Variants in ANKS1B observed in about 807,000 individuals in gnomAD.
ANKS1B encodes ankyrin repeat and sterile alpha motif domain containing 1B, also known as ankyrin repeat and sterile alpha motif domain-containing protein 1B.
ANKS1B carries 36 observed loss-of-function variants against 148.3 expected under a neutral mutation model. That is an observed-to-expected ratio of 0.24 (90% CI 0.19 to 0.32). ANKS1B has a LOEUF of 0.32. Among genes scored for constraint, ANKS1B ranks in the 10% least tolerant of loss-of-function variants. The pLI is 1.00. For synonymous variants in ANKS1B, 542 were observed against 560.8 expected (o/e 0.97, Z 0.47); for missense variants, 1,157 against 1,542.6 (o/e 0.75, Z 4.19).
intron 20 of ANKS1B, among the ~76,000 whole-genome samples, chr12:98,805,515 G>A (rs1489896192): frequency 6.6e-6 from 1 of 152,080 alleles, no homozygotes. Flanking sequence ...GAGTCTGAAG[G>A]ACTATAATTG....
At chr12:99,684,628 T>C (rs1459873432) in intron 8 of ANKS1B, among the ~76,000 whole-genome samples, 2 of 152,096 alleles carry the variant, frequency 1.3e-5, no homozygotes, top group African/African-American at 4.8e-5. Context: ...AGAGCAAGAC[T>C]ACTCCAAAAG....
intron 18 of ANKS1B, chr12:98,830,875 C>G (rs1409753367): frequency 6.6e-6 from 1 of 150,682 alleles, no homozygotes; most frequent in Admixed American, 6.7e-5. Context: ...TCCTCCCTCC[C>G]TTCCTTCACT....
intron 9 of ANKS1B, among the ~76,000 whole-genome samples, chr12:99,620,233 A>C (rs1008010410): frequency 6.6e-6 from 1 of 152,138 alleles, no homozygotes; most frequent in African/African-American, 2.4e-5. Flanking sequence ...CAGAGAAAAA[A>C]AGAAGAGAAA....
intron 22 of ANKS1B, among the ~76,000 whole-genome samples, chr12:98,791,736 T>A (rs1593799401): frequency 1.3e-5 from 2 of 152,232 alleles, no homozygotes; most frequent in South Asian, 2.1e-4. Context: ...CAGAGACTTT[T>A]AAAAAAATAG....
chr12:98,795,936 G>T (rs4762512), intron 22 of ANKS1B, among the ~76,000 whole-genome samples: 41,584 of 152,088 alleles, frequency 0.27, 6,359 homozygotes, highest in Middle Eastern at 0.36. Context: ...ACATAATTCA[G>T]TTGTGCAGGG....
intron 9 of ANKS1B, among the ~76,000 whole-genome samples, chr12:99,541,151 A>G (rs1431662332): frequency 6.6e-6 from 1 of 152,226 alleles, no homozygotes; most frequent in East Asian, 1.9e-4. Context: ...TATTACGGCC[A>G]GGCTCAGATG....
chr12:99,378,652 CAAAAAAAAAAAAA>C (rs140892353), intron 12 of ANKS1B, among the ~76,000 whole-genome samples: 1 of 90,714 alleles, frequency 1.1e-5, no homozygotes. Flanking sequence ...GACTCCATCT[CAAAAAAAAAAAAA>C]AAAAAAAAGA....
At chr12:99,198,098 T>G (rs906270316) in intron 14 of ANKS1B, among the ~76,000 whole-genome samples, 2 of 152,194 alleles carry the variant, frequency 1.3e-5, no homozygotes, top group East Asian at 3.9e-4. Flanking sequence ...TCTAAAGCCT[T>G]CCTTAGCATC....
chr12:99,959,589 T>A (rs1474443445), intron 1 of ANKS1B, among the ~76,000 whole-genome samples: 1 of 152,210 alleles, frequency 6.6e-6, no homozygotes, highest in Non-Finnish European at 1.5e-5. Context: ...ATTACTTTGC[T>A]TAAGCAGTCT....
chr12:98,971,268 A>C (rs753409761), intron 17 of ANKS1B, among the ~76,000 whole-genome samples: 1 of 152,208 alleles, frequency 6.6e-6, no homozygotes, highest in Non-Finnish European at 1.5e-5. Context: ...CTATCATCCT[A>C]CATTAATTAA....
At chr12:98,750,351 G>A (rs1183787481) in intron 26 of ANKS1B, among the ~76,000 whole-genome samples, 3 of 152,204 alleles carry the variant, frequency 2.0e-5, no homozygotes, top group African/African-American at 7.2e-5. Flanking sequence ...TCAGGGAACT[G>A]TGAGACCAGA....
chr12:99,502,703 C>T (rs1254561735), intron 10 of ANKS1B, among the ~76,000 whole-genome samples: 2 of 152,140 alleles, frequency 1.3e-5, no homozygotes, highest in African/African-American at 4.8e-5. Context: ...TAATACCTCA[C>T]AGCATTGTAA....
intron 11 of ANKS1B, among the ~76,000 whole-genome samples, chr12:99,440,785 C>T (rs2095537550): frequency 6.6e-6 from 1 of 151,954 alleles, no homozygotes; most frequent in South Asian, 2.1e-4. Context: ...ACAATGGATG[C>T]TCTCCATTTA....
intron 8 of ANKS1B, among the ~76,000 whole-genome samples, chr12:99,720,004 G>A (rs1437275693): frequency 6.6e-6 from 1 of 152,078 alleles, no homozygotes; most frequent in Non-Finnish European, 1.5e-5. Context: ...TTAGACCAAG[G>A]AACATATCTC....
Position 99,410,949 on chromosome 12 carries a change from C to T in ANKS1B, c.1576-11138G>A, listed in dbSNP as rs1390215878. Among the ~76,000 whole-genome samples the T allele has an allele frequency of 2.6e-5, 4 of 152,214 alleles. No individual in the cohort carries two copies. The East Asian group carries it at 7.7e-4, about 29-fold the overall frequency. ...GCAGATTCTTACAGGAATGCAGTGG[C>T]TCTGCCCTGCAACTCAGTAAGTGCA... is the stretch of plus-strand genomic sequence containing the variant. On this transcript the variant is annotated intron_variant, in intron 11 of 26. Coordinates refer to ENST00000683438, the MANE Select transcript of ANKS1B (RefSeq NM_001352186.2).
At chr12:99,432,883 A>G (rs529610808) in intron 11 of ANKS1B, among the ~76,000 whole-genome samples, 5 of 152,288 alleles carry the variant, frequency 3.3e-5, no homozygotes, top group African/African-American at 1.2e-4. Flanking sequence ...GGAGAACGGT[A>G]GGAGATGGGT....
At chr12:98,800,445 C>A (rs1310482042) in intron 21 of ANKS1B, among the ~76,000 whole-genome samples, 1 of 152,026 alleles carries the variant, frequency 6.6e-6, no homozygotes, top group African/African-American at 2.4e-5. Context: ...TGACCCAAAA[C>A]CTACAGTATC....
chr12:98,793,410 G>A (rs1486875315), intron 22 of ANKS1B, among the ~76,000 whole-genome samples: 4 of 152,238 alleles, frequency 2.6e-5, no homozygotes, highest in African/African-American at 7.2e-5. Context: ...GGAGAAACAC[G>A]TCATGACATT....
At chr12:99,961,061 C>A (rs2095405413) in intron 1 of ANKS1B, among the ~76,000 whole-genome samples, 1 of 152,060 alleles carries the variant, frequency 6.6e-6, no homozygotes, top group Admixed American at 6.6e-5. Context: ...AACTCCATCT[C>A]TACTAAAAAT....
Sources: gnomAD v4.1 joint callset for allele counts (sites outside exome capture counted in the v4.1 genomes callset) on GRCh38, gnomAD v4.1.1 for gene constraint, MANE v1.5 for transcripts, NCBI Gene and HGNC (gene_info 2026-07-23, HGNC 2026-07-21) for gene names.